Variants in NLGN1 observed in about 807,000 individuals in gnomAD.
NLGN1 encodes the protein neuroligin 1.
In NLGN1, 12 loss-of-function variants were observed where a neutral mutation model predicts 65.5. The observed-to-expected ratio is 0.18, with a 90% CI of 0.12 to 0.30. NLGN1 has a LOEUF of 0.30. Among genes scored for constraint, NLGN1 ranks in the 10% least tolerant of loss-of-function variants. The pLI, the probability that NLGN1 is intolerant of heterozygous loss-of-function variation, is 1.00. For synonymous variants in NLGN1, 350 were observed against 359.5 expected, an observed-to-expected ratio of 0.97 and a Z score of 0.30; for missense variants, 750 against 1,007.1, an observed-to-expected ratio of 0.74 and a Z score of 3.46.
chr3:174,039,104 T>C (rs1731732761), intron 4 of NLGN1, among the ~76,000 whole-genome samples: 1 of 152,098 alleles, frequency 6.6e-6, no homozygotes, highest in Non-Finnish European at 1.5e-5. Context: ...TCCCATAGCG[T>C]GAGACTCCTC....
At chr3:174,257,735 ATATT>A (rs1746063265) in intron 4 of NLGN1, among the ~76,000 whole-genome samples, 1 of 151,404 alleles carries the variant, frequency 6.6e-6, no homozygotes, top group Non-Finnish European at 1.5e-5. Context: ...ATATATATAT[ATATT>A]TATTCAGCTT....
At chr3:173,400,258 A>G (rs552979514) in intron 1 of NLGN1, among the ~76,000 whole-genome samples, 8 of 152,244 alleles carry the variant, frequency 5.3e-5, no homozygotes, top group East Asian at 1.9e-4. Context: ...TAATATTATT[A>G]TTATTATTTC....
chr3:173,905,994 C>T lies in NLGN1; in HGVS notation c.646+98162C>T, dbSNP rs112668047. Among the ~76,000 whole-genome samples, 982 of 152,192 alleles carry T rather than the reference C, an allele frequency of 6.5e-3. 5 individuals carry two copies. The highest frequency in any genetic ancestry group is 9.5e-3 in the Non-Finnish European group (646 of 68,014). On this transcript the variant is annotated intron_variant, in intron 4 of 6. Coordinates refer to ENST00000457714, the Ensembl canonical transcript of NLGN1. ...CTTGGACCAAGAACAGACACAAGGG[C>T]GATGGATTTTAATACTATTGTTTTC...
At chr3:173,641,233 C>T (rs1757366271) in intron 3 of NLGN1, among the ~76,000 whole-genome samples, 1 of 152,114 alleles carries the variant, frequency 6.6e-6, no homozygotes. Context: ...CTTTCTTATA[C>T]TCTAATATCT....
At chr3:173,789,085 G>C (rs1391035746) in intron 3 of NLGN1, among the ~76,000 whole-genome samples, 1 of 151,808 alleles carries the variant, frequency 6.6e-6, no homozygotes, top group Non-Finnish European at 1.5e-5. Context: ...TGTAGTCCCA[G>C]CTACTCAGGA....
At chr3:173,765,051 CATGTGT>C (rs749996430) in intron 3 of NLGN1, among the ~76,000 whole-genome samples, 41 of 88,064 alleles carry the variant, frequency 4.7e-4, no homozygotes, top group African/African-American at 1.1e-3. Context: ...GCTGTGGGTG[CATGTGT>C]GTGTGTGTGT....
intron 2 of NLGN1, among the ~76,000 whole-genome samples, chr3:173,602,341 G>C (rs1750678703): frequency 6.6e-6 from 1 of 151,978 alleles, no homozygotes; most frequent in South Asian, 2.1e-4. Flanking sequence ...TTGGATGACT[G>C]CTATTATTAT....
chr3:173,998,278 G>T (rs553419677), intron 4 of NLGN1, among the ~76,000 whole-genome samples: 1 of 152,100 alleles, frequency 6.6e-6, no homozygotes, highest in African/African-American at 2.4e-5. Context: ...ATATTACTTT[G>T]GGAATCAGAA....
At chr3:173,525,450 A>G (rs1735492083) in intron 2 of NLGN1, among the ~76,000 whole-genome samples, 2 of 152,070 alleles carry the variant, frequency 1.3e-5, no homozygotes, top group South Asian at 2.1e-4. Context: ...TATCTGTGGT[A>G]TGAGTTGTAA....
intron 4 of NLGN1, among the ~76,000 whole-genome samples, chr3:174,229,892 A>T (rs1275339550): frequency 2.0e-5 from 3 of 152,206 alleles, no homozygotes; most frequent in Non-Finnish European, 4.4e-5. Context: ...GTGTGAATAG[A>T]ATACACTTGA....
In NLGN1 at chr3:173,446,239, G is replaced by A. The variant is rs1406232511; in HGVS notation, c.-321+11161G>A. On this transcript the variant is annotated intron_variant, in intron 2 of 6. Transcript: ENST00000457714. ...CCTACCCCCACCCCACAACAGTCCC[G>A]GTGTGTGATGTTCCCCTTCCTGTGT... Among the ~76,000 whole-genome samples the A allele has an allele frequency of 1.5e-4, 14 of 94,152 alleles. No homozygotes were observed. In the South Asian group the frequency reaches 2.8e-3, roughly 19 times the overall value. 61.8% of individuals were successfully genotyped at this position (94,152 alleles called of 152,430 possible). A position where few individuals can be genotyped will look rare whatever the true frequency, so the allele number is the denominator to read the frequency against.
At chr3:173,663,319 T>C (rs1293859704) in intron 3 of NLGN1, among the ~76,000 whole-genome samples, 4 of 152,012 alleles carry the variant, frequency 2.6e-5, no homozygotes, top group African/African-American at 7.2e-5. Context: ...TTAACAATGA[T>C]AGCTGATTTG....
At chr3:174,204,434 G>T (rs953834136) in intron 4 of NLGN1, among the ~76,000 whole-genome samples, 2 of 152,252 alleles carry the variant, frequency 1.3e-5, no homozygotes, top group Non-Finnish European at 2.9e-5. Flanking sequence ...CATTCCAGCC[G>T]ATCAGCCACT....
At chr3:173,653,388 C>G (rs762910537) in intron 3 of NLGN1, among the ~76,000 whole-genome samples, 11 of 151,926 alleles carry the variant, frequency 7.2e-5, no homozygotes, top group Non-Finnish European at 1.2e-4. Context: ...GCATATTTGG[C>G]CTATATTATT....
chr3:173,614,502 T>A lies in NLGN1; in HGVS notation c.493+9411T>A, dbSNP rs544105713. ...AACCATCTTCCTCAGCTCACCATCT[T>A]TCTCAGCGCACCATCTTTCCTGACA... On this transcript the variant is annotated intron_variant, in intron 3 of 6. Coordinates refer to ENST00000457714, the Ensembl canonical transcript of NLGN1. 7.2e-5 allele frequency among the ~76,000 whole-genome samples: 11 copies of A among 152,210 alleles called. No individual in the cohort carries two copies. The South Asian group carries it at 2.3e-3, about 32-fold the overall frequency.
intron 4 of NLGN1, among the ~76,000 whole-genome samples, chr3:173,938,761 T>G (rs1359617126): frequency 1.3e-5 from 2 of 152,118 alleles, no homozygotes; most frequent in Admixed American, 1.3e-4. Flanking sequence ...CTACTCTGCT[T>G]CTTATCTGAT....
chr3:173,465,224 G>C (rs1223650344), intron 2 of NLGN1, among the ~76,000 whole-genome samples: 2 of 152,204 alleles, frequency 1.3e-5, no homozygotes, highest in Non-Finnish European at 2.9e-5. Flanking sequence ...CATCACAGAG[G>C]ATTCTGGCTT....
chr3:173,518,486 A>G (rs1228064425), intron 2 of NLGN1, among the ~76,000 whole-genome samples: 1 of 150,712 alleles, frequency 6.6e-6, no homozygotes, highest in African/African-American at 2.4e-5. Flanking sequence ...TATATATTAT[A>G]AAGTATATAT....
At chr3:173,629,442 A>G (rs1381999960) in intron 3 of NLGN1, among the ~76,000 whole-genome samples, 2 of 152,202 alleles carry the variant, frequency 1.3e-5, no homozygotes, top group Admixed American at 1.3e-4. Context: ...TTAAATATTA[A>G]GAATAGCAAA....
Sources: gnomAD v4.1 joint callset for allele counts (sites outside exome capture counted in the v4.1 genomes callset) on GRCh38, gnomAD v4.1.1 for gene constraint, MANE v1.5 for transcripts, NCBI Gene and HGNC (gene_info 2026-07-23, HGNC 2026-07-21) for gene names.